Variants in PDE4D observed in about 807,000 individuals in gnomAD.
PDE4D encodes phosphodiesterase 4D.
A neutral mutation model predicts 87.4 loss-of-function variants in PDE4D; 24 were observed. That is an observed-to-expected ratio of 0.27 (90% CI 0.20 to 0.39). The LOEUF (loss-of-function observed/expected upper bound fraction) is 0.39, where lower values mean the gene tolerates loss of function less well. Among genes scored for constraint, PDE4D ranks in the 10% least tolerant of loss-of-function variants. The pLI, the probability that PDE4D is intolerant of heterozygous loss-of-function variation, is 1.00. For synonymous variants in PDE4D, 384 were observed against 383.2 expected (o/e 1.00, Z -0.02); for missense variants, 714 against 1,041.0 (o/e 0.69, Z 4.32).
chr5:60,236,510 A>G (rs1746448734), intron 1 of PDE4D, among the ~76,000 whole-genome samples: 1 of 151,990 alleles, frequency 6.6e-6, no homozygotes, highest in African/African-American at 2.4e-5. Context: ...ATATCTACCT[A>G]TGATAGGCAG....
intron 1 of PDE4D, among the ~76,000 whole-genome samples, chr5:59,771,023 T>C (rs1020165017): frequency 6.6e-6 from 1 of 152,030 alleles, no homozygotes; most frequent in South Asian, 2.1e-4. Context: ...CCCAGGCTAC[T>C]CAGGAGGCTG....
intron 1 of PDE4D, among the ~76,000 whole-genome samples, chr5:59,855,536 G>A (rs1745300487): frequency 6.6e-6 from 1 of 152,040 alleles, no homozygotes; most frequent in African/African-American, 2.4e-5. Flanking sequence ...ATATCCCACA[G>A]AAAAACCAGA....
At chr5:60,100,348 G>A (rs1320854279) in intron 2 of PDE4D, among the ~76,000 whole-genome samples, 4 of 151,854 alleles carry the variant, frequency 2.6e-5, no homozygotes, top group East Asian at 3.9e-4. Context: ...AGACATCTCC[G>A]CTTTACCTTT....
At position 58,972,929 on chromosome 5, in the gene PDE4D, T is replaced by G. The variant is rs1180205913; in HGVS notation, c.*1735A>C. On this transcript the variant is annotated 3_prime_UTR_variant, in exon 15 of 15. Transcript: ENST00000340635. ...CACAGTACTAACCCTCTGGTGCCAGTGGCATCATCTTCTTTCCCTCCATGT... is the reference window on the plus strand; with the variant it reads ...CACAGTACTAACCCTCTGGTGCCAGGGGCATCATCTTCTTTCCCTCCATGT... 6.6e-6 allele frequency: 1 copy of G among 152,170 alleles called. No individual in the cohort carries two copies. The highest frequency in any genetic ancestry group is 1.5e-5 in the Non-Finnish European group (1 of 68,030). 9.4% of individuals were successfully genotyped at this position (152,170 alleles called of 1,614,324 possible).
intron 1 of PDE4D, among the ~76,000 whole-genome samples, chr5:59,546,327 C>T (rs995897735): frequency 3.3e-5 from 5 of 152,054 alleles, no homozygotes; most frequent in African/African-American, 1.2e-4. Flanking sequence ...GTGCGTTGCG[C>T]TCATCAAAAT....
intron 1 of PDE4D, among the ~76,000 whole-genome samples, chr5:59,436,456 A>G (rs1796811204): frequency 6.6e-6 from 1 of 152,216 alleles, no homozygotes; most frequent in South Asian, 2.1e-4. Flanking sequence ...ACTGAAACAA[A>G]CATACTATTC....
chr5:60,279,979 C>T (rs1251687843), intron 1 of PDE4D, among the ~76,000 whole-genome samples: 1 of 151,940 alleles, frequency 6.6e-6, no homozygotes, highest in Non-Finnish European at 1.5e-5. Flanking sequence ...CACACTCAGC[C>T]CATGTTGTTG....
intron 7 of PDE4D, among the ~76,000 whole-genome samples, chr5:58,992,424 A>G (rs1416062122): frequency 6.6e-6 from 1 of 152,176 alleles, no homozygotes; most frequent in South Asian, 2.1e-4. Flanking sequence ...ATACTTTGAA[A>G]TGGTAGAAAC....
At chr5:60,040,885 T>C (rs1768400206) in intron 2 of PDE4D, among the ~76,000 whole-genome samples, 1 of 152,166 alleles carries the variant, frequency 6.6e-6, no homozygotes, top group African/African-American at 2.4e-5. Flanking sequence ...AGATTTTTAT[T>C]TACAATTAAG....
chr5:59,302,390 T>C (rs574529564), intron 1 of PDE4D, among the ~76,000 whole-genome samples: 1 of 152,304 alleles, frequency 6.6e-6, no homozygotes, highest in East Asian at 1.9e-4. Flanking sequence ...AAAATTTTTT[T>C]CCATAAGTTA....
At chr5:59,955,828 G>C (rs1261989196) in intron 3 of PDE4D, among the ~76,000 whole-genome samples, 1 of 151,660 alleles carries the variant, frequency 6.6e-6, no homozygotes, top group African/African-American at 2.4e-5. Context: ...TCTCCATAGG[G>C]AAATGTATCA....
chr5:59,542,847 A>T (rs1244181157), intron 1 of PDE4D, among the ~76,000 whole-genome samples: 1 of 152,166 alleles, frequency 6.6e-6, no homozygotes, highest in Non-Finnish European at 1.5e-5. Context: ...ATTTCCTGCT[A>T]GTGGACATCA....
At chr5:59,689,522 C>T (rs911408130) in intron 1 of PDE4D, among the ~76,000 whole-genome samples, 4 of 152,036 alleles carry the variant, frequency 2.6e-5, no homozygotes, top group Admixed American at 6.6e-5. Context: ...ATTCAACAAC[C>T]CTTCATGCTA....
intron 5 of PDE4D, among the ~76,000 whole-genome samples, chr5:59,051,565 G>A (rs757615891): frequency 4.6e-5 from 7 of 152,234 alleles, no homozygotes; most frequent in South Asian, 2.1e-4. Context: ...TACTAATGAC[G>A]TTTTGTGGTC....
chr5:59,345,972 C>T (rs751056291), intron 1 of PDE4D, among the ~76,000 whole-genome samples: 4 of 152,146 alleles, frequency 2.6e-5, no homozygotes, highest in African/African-American at 4.8e-5. Context: ...GAATACTTAA[C>T]TATCCATCAA....
chr5:59,614,794 T>C (rs113379074), intron 1 of PDE4D, among the ~76,000 whole-genome samples: 6,508 of 152,192 alleles, frequency 0.043, 167 homozygotes, highest in Non-Finnish European at 0.068. Flanking sequence ...CAGGCAACTG[T>C]GCTGATATTC....
chr5:59,231,026 A>G (rs1240870437), intron 1 of PDE4D, among the ~76,000 whole-genome samples: 3 of 152,192 alleles, frequency 2.0e-5, no homozygotes, highest in African/African-American at 7.2e-5. Flanking sequence ...CTCATTGTAT[A>G]ATAAGTACAC....
intron 1 of PDE4D, among the ~76,000 whole-genome samples, chr5:59,593,124 A>G (rs143090228): frequency 2.3e-3 from 346 of 152,188 alleles, no homozygotes; most frequent in African/African-American, 8.1e-3. Flanking sequence ...AATACAAATA[A>G]TGTAATGTCA....
intron 5 of PDE4D, among the ~76,000 whole-genome samples, chr5:59,149,598 A>G (rs571529502): frequency 5.9e-5 from 9 of 152,252 alleles, no homozygotes; most frequent in African/African-American, 1.9e-4. Flanking sequence ...CAGAGTCTGA[A>G]AAAACAGTCC....
Sources: allele counts gnomAD v4.1 joint callset (sites outside exome capture counted in the v4.1 genomes callset), GRCh38; gene constraint gnomAD v4.1.1; transcripts MANE v1.5; gene names NCBI Gene and HGNC (gene_info 2026-07-23, HGNC 2026-07-21).